Variants in WSCD2 observed in about 807,000 individuals in gnomAD.
WSCD2 encodes sialate:O-sulfotransferase 2.
Under a neutral mutation model 55.7 loss-of-function variants are expected in WSCD2, and 28 were observed. That is an observed-to-expected ratio of 0.50 (90% CI 0.37 to 0.69). The LOEUF is 0.69. Among genes scored for constraint, WSCD2 ranks in the 30% least tolerant of loss-of-function variants. WSCD2 has a pLI of 0.00. For missense variants in WSCD2, 616 were observed against 762.1 expected (o/e 0.81, Z 2.26); for synonymous variants, 301 against 301.9 (o/e 1.00, Z 0.03).
intron 8 of WSCD2, among the ~76,000 whole-genome samples, chr12:108,245,721 A>G (rs1027447308): frequency 2.0e-5 from 3 of 152,206 alleles, no homozygotes; most frequent in African/African-American, 7.2e-5. Flanking sequence ...AGGAGTGGGG[A>G]AATTCTGAAA....
rs1282720936 is a variant in WSCD2, at chr12:108,206,315, G to A, written c.409G>A (p.Asp137Asn). Residue 137 changes from aspartate (D) to asparagine (N), a missense_variant, in exon 3 of 9, where the codon GAC (aspartate) becomes AAC (asparagine). Asp to Asn is a conservative substitution (Grantham distance 23, BLOSUM62 1). This residue lies in a region of WSCD2 where 374 missense variants were observed against 467.4 expected (regional missense o/e 0.80). Coordinates refer to ENST00000547525, the MANE Select transcript of WSCD2 (RefSeq NM_014653.4). The part of the protein sequence containing the change: ...RAKYIGCYLD[D>N]TQSRALRGVS... ...CAAGTACATCGGCTGCTACCTGGAT[G>A]ACACCCAGAGTCGGGCCCTTCGAGG... The A allele has an allele frequency of 6.2e-7, 1 of 1,614,216 alleles. No individual in the cohort carries two copies. The highest frequency in any genetic ancestry group is 1.7e-5 in the Admixed American group (1 of 60,030).
intron 1 of WSCD2, among the ~76,000 whole-genome samples, chr12:108,194,457 G>A (rs1883625848): frequency 6.6e-6 from 1 of 152,152 alleles, no homozygotes; most frequent in Non-Finnish European, 1.5e-5. Context: ...TGTGATTTGC[G>A]ATTTGGACTG....
At chr12:108,244,425 T>C in intron 8 of WSCD2, 2 of 685,830 alleles carry the variant, frequency 2.9e-6, no homozygotes, top group Non-Finnish European at 5.4e-6. Flanking sequence ...ACTAAAATGA[T>C]GGAGCATGTG....
intron 1 of WSCD2, among the ~76,000 whole-genome samples, chr12:108,153,016 A>T (rs1694957253): frequency 6.6e-6 from 1 of 152,110 alleles, no homozygotes; most frequent in African/African-American, 2.4e-5. Flanking sequence ...AGGCATGAGA[A>T]TCGCTTGAAC....
At chr12:108,196,345 G>C in intron 2 of WSCD2, 131 bp downstream of exon 2, 1 of 1,329,112 alleles carries the variant, frequency 7.5e-7, no homozygotes. Context: ...TATAAATAGT[G>C]CCTGCCATTA....
At chr12:108,132,460 G>T (rs1276914922) in intron 1 of WSCD2, among the ~76,000 whole-genome samples, 1 of 152,206 alleles carries the variant, frequency 6.6e-6, no homozygotes, top group African/African-American at 2.4e-5. Context: ...TAGTGTCAGT[G>T]TGAGTGTGTA....
At chr12:108,137,383 G>A (rs1876335657) in intron 1 of WSCD2, among the ~76,000 whole-genome samples, 1 of 152,204 alleles carries the variant, frequency 6.6e-6, no homozygotes, top group Non-Finnish European at 1.5e-5. Flanking sequence ...CTCAGGGCCT[G>A]TTTACTCTTT....
intron 7 of WSCD2, among the ~76,000 whole-genome samples, chr12:108,237,387 G>A (rs1004949384): frequency 6.6e-6 from 1 of 152,230 alleles, no homozygotes; most frequent in Non-Finnish European, 1.5e-5. Context: ...CCCAAGATAA[G>A]CTGATATTTT....
At chr12:108,246,215 C>T (rs979294743) in intron 8 of WSCD2, among the ~76,000 whole-genome samples, 2 of 152,224 alleles carry the variant, frequency 1.3e-5, no homozygotes, top group Non-Finnish European at 2.9e-5. Context: ...GACAGTAGTC[C>T]TTTTCCTTTC....
At chr12:108,226,618 G>C (rs1211693976) in intron 5 of WSCD2, among the ~76,000 whole-genome samples, 1 of 152,184 alleles carries the variant, frequency 6.6e-6, no homozygotes, top group Non-Finnish European at 1.5e-5. Flanking sequence ...TGGTTGGCCA[G>C]AGTGCCTAGG....
chr12:108,174,279 G>A (rs1880560511), intron 1 of WSCD2, among the ~76,000 whole-genome samples: 1 of 152,174 alleles, frequency 6.6e-6, no homozygotes, highest in Non-Finnish European at 1.5e-5. Context: ...AAATATTCAA[G>A]GCTGAAGCTG....
At chr12:108,145,519 T>G (rs1053959154) in intron 1 of WSCD2, among the ~76,000 whole-genome samples, 1 of 152,204 alleles carries the variant, frequency 6.6e-6, no homozygotes, top group Non-Finnish European at 1.5e-5. Context: ...AAAGAGGCCT[T>G]AGGACCCTCA....
intron 1 of WSCD2, among the ~76,000 whole-genome samples, chr12:108,140,838 C>T (rs1178563635): frequency 6.6e-6 from 1 of 152,182 alleles, no homozygotes; most frequent in Non-Finnish European, 1.5e-5. Flanking sequence ...AGGGAGCAGC[C>T]GGCCAGCCCT....
intron 5 of WSCD2, 100 bp downstream of exon 5, chr12:108,224,960 GA>G: frequency 6.7e-7 from 1 of 1,500,616 alleles, no homozygotes; most frequent in Non-Finnish European, 8.9e-7. Flanking sequence ...GCTCAGTCGG[GA>G]TAGATGTAGT....
chr12:108,130,224 C>G (rs1390539731), intron 1 of WSCD2, among the ~76,000 whole-genome samples: 1 of 152,210 alleles, frequency 6.6e-6, no homozygotes. Context: ...AAGGGCTTCT[C>G]CCGCGGAGGT....
Position 108,195,739 on chromosome 12 carries a change from C to G in WSCD2, c.-94C>G. 6.7e-7 allele frequency: 1 copy of G among 1,495,056 alleles called. No homozygotes were observed. Among genetic ancestry groups the G allele is most frequent in the Non-Finnish European group, 8.9e-7 (1 of 1,117,372 alleles). 92.6% of individuals were successfully genotyped at this position (1,495,056 alleles called of 1,614,324 possible). ...TGAGACTGAGGACCCCCAAGTGTTC[C>G]ATCCCTAAGGAAAGCTTGGGAAACC... On this transcript the variant is annotated 5_prime_UTR_variant, in exon 2 of 9. Transcript: ENST00000547525.
At chr12:108,240,600 G>A (rs1889660721) in intron 8 of WSCD2, 56 bp downstream of exon 8, 4 of 1,437,278 alleles carry the variant, frequency 2.8e-6, no homozygotes, top group South Asian at 2.5e-5. Context: ...TGCAGGGGGC[G>A]GTGGGAGGGT....
intron 8 of WSCD2, among the ~76,000 whole-genome samples, chr12:108,241,511 T>C (rs542694666): frequency 2.6e-5 from 4 of 152,308 alleles, no homozygotes; most frequent in South Asian, 2.1e-4. Flanking sequence ...ATAGATGGGA[T>C]AACCTAGGTC....
chr12:108,236,003 G>A (rs1426371), intron 7 of WSCD2, among the ~76,000 whole-genome samples: 32,194 of 152,060 alleles, frequency 0.21, 4,623 homozygotes, highest in East Asian at 0.55. Flanking sequence ...ATCCTTTGCC[G>A]CATTTGCCAC....
Sources: allele counts gnomAD v4.1 joint callset (sites outside exome capture counted in the v4.1 genomes callset), GRCh38; gene constraint gnomAD v4.1.1; regional missense constraint gnomAD v4.1.1; transcripts MANE v1.5; gene names NCBI Gene and HGNC (gene_info 2026-07-23, HGNC 2026-07-21).